The following GOLGA4 variants were observed in gnomAD, a reference collection of about 807,000 sequenced individuals.
GOLGA4 encodes the protein golgin subfamily A member 4.
GOLGA4 carries 169 observed loss-of-function variants against 265.9 expected under a neutral mutation model. That is an observed-to-expected ratio of 0.64 (90% CI 0.56 to 0.72). GOLGA4 has a LOEUF of 0.72. Ranked by LOEUF, GOLGA4 falls within the 30% of genes least tolerant of loss-of-function variation. GOLGA4 has a pLI of 0.00. For missense variants in GOLGA4, 2,482 were observed against 2,483.4 expected, an observed-to-expected ratio of 1.00 and a Z score of 0.01; for synonymous variants, 923 against 855.8, an observed-to-expected ratio of 1.08 and a Z score of -1.37.
At position 37,325,670 on chromosome 3, in the gene GOLGA4, G is replaced by T. The variant is rs1164922733; in HGVS notation, c.3784G>T (p.Glu1262Ter). ...HCQHRTTKVK[E>*]ALLIKTCTVS... Reference sequence around the variant, plus strand: ...TCAGCACCGTACAACTAAAGTTAAGGAGGCACTGTTAATTAAAACTTGCAC... The same window carrying T: ...TCAGCACCGTACAACTAAAGTTAAGTAGGCACTGTTAATTAAAACTTGCAC... Residue 1262 changes from glutamate to a stop codon, truncating the protein, a stop_gained, in exon 14 of 24, where the codon GAG (glutamate) becomes TAG (stop). Coordinates refer to ENST00000361924, the MANE Select transcript of GOLGA4 (RefSeq NM_002078.5). LOFTEE classifies it high-confidence loss of function. The T allele has an allele frequency of 6.2e-7, 1 of 1,613,880 alleles. No individual in the cohort carries two copies. Among genetic ancestry groups the T allele is most frequent in the South Asian group, 1.1e-5 (1 of 91,066 alleles).
At chr3:37,314,417 G>A (rs2096931371) in intron 10 of GOLGA4, among the ~76,000 whole-genome samples, 1 of 151,892 alleles carries the variant, frequency 6.6e-6, no homozygotes, top group African/African-American at 2.4e-5. Context: ...AAGGTGGGTG[G>A]ATCACTTGAG....
At chr3:37,328,591 T>A in intron 15 of GOLGA4, 54 bp downstream of exon 15, 1 of 1,499,042 alleles carries the variant, frequency 6.7e-7, no homozygotes, top group Non-Finnish European at 9.1e-7. Context: ...GGCTATAATT[T>A]AAGCTTATCA....
At chr3:37,352,855 T>G (rs754519860) in intron 21 of GOLGA4, among the ~76,000 whole-genome samples, 5 of 152,128 alleles carry the variant, frequency 3.3e-5, no homozygotes, top group African/African-American at 4.8e-5. Flanking sequence ...GTTTACAACT[T>G]GGCTAACTGG....
intron 23 of GOLGA4, among the ~76,000 whole-genome samples, chr3:37,362,892 C>T (rs1020150404): frequency 4.7e-5 from 7 of 150,454 alleles, no homozygotes; most frequent in Non-Finnish European, 1.0e-4. Flanking sequence ...ACACCATTCT[C>T]CTCCCTCAGC....
intron 20 of GOLGA4, among the ~76,000 whole-genome samples, chr3:37,341,046 A>T (rs1396259425): frequency 1.3e-5 from 2 of 152,158 alleles, no homozygotes; most frequent in East Asian, 3.9e-4. Flanking sequence ...ATGCGCCTGT[A>T]GTCCCAGCTA....
intron 22 of GOLGA4, among the ~76,000 whole-genome samples, chr3:37,355,469 G>C (rs2097088508): frequency 6.6e-6 from 1 of 152,098 alleles, no homozygotes; most frequent in Admixed American, 6.6e-5. Flanking sequence ...GCTGTTTATG[G>C]AAAGGATGGA....
At chr3:37,257,536 C>G (rs115102126) in intron 2 of GOLGA4, among the ~76,000 whole-genome samples, 5 of 151,864 alleles carry the variant, frequency 3.3e-5, no homozygotes, top group African/African-American at 9.7e-5. Context: ...GTACCTTGCA[C>G]GTAGTAGGTG....
At position 37,281,941 on chromosome 3, in the gene GOLGA4, T is replaced by C. The variant is rs762792802; in HGVS notation, c.163-17T>C. On this transcript the variant is annotated splice_polypyrimidine_tract_variant and intron_variant, in intron 2 of 23. Transcript: ENST00000361924. Reference sequence around the variant, plus strand: ...TATGTATTTTAATCCACACATTCTGTTGGGTTTTGGTTGCAGTCAGGTGAC... The same window carrying C: ...TATGTATTTTAATCCACACATTCTGCTGGGTTTTGGTTGCAGTCAGGTGAC... 2.1e-5 allele frequency: 33 copies of C among 1,586,938 alleles called. No individual in the cohort carries two copies. The East Asian group carries it at 6.7e-4, about 32-fold the overall frequency.
In GOLGA4 at chr3:37,243,635, C is replaced by A. The variant is rs748910315; in HGVS notation, c.72+13C>A. 6.2e-7 allele frequency: 1 copy of A among 1,605,626 alleles called. No homozygotes were observed. The highest frequency in any genetic ancestry group is 8.5e-7 in the Non-Finnish European group (1 of 1,172,798). On this transcript the variant is annotated intron_variant, in intron 1 of 23. Coordinates refer to ENST00000361924, the MANE Select transcript of GOLGA4 (RefSeq NM_002078.5). ...GGCTCCTGCTCAGGTACGATGGCCG[C>A]CGCTCTCCTCCCCTGGTTCCGAATA...
chr3:37,326,593 T>C lies in GOLGA4; in HGVS notation c.4707T>C (p.Phe1569=), dbSNP rs1233845659. The change falls in exon 14 of 24, where the codon TTT becomes TTC. Residue 1569 remains phenylalanine (F), a synonymous_variant. Transcript: ENST00000361924. The part of the protein sequence containing the change: ...HKELVQKLQH[F]QELGEEKDNR... The stretch of plus-strand genomic sequence containing the variant: ...AATTGGTTCAGAAACTTCAACATTT[T>C]CAAGAGTTAGGAGAAGAAAAGGACA... The C allele has an allele frequency of 6.2e-7, 1 of 1,613,284 alleles. No individual in the cohort carries two copies. Among genetic ancestry groups the C allele is most frequent in the Non-Finnish European group, 8.5e-7 (1 of 1,179,644 alleles).
chr3:37,329,043 A>G lies in GOLGA4; in HGVS notation c.6142A>G (p.Lys2048Glu). 1 of 1,611,660 alleles carries G rather than the reference A, an allele frequency of 6.2e-7. No homozygotes were observed. The highest frequency in any genetic ancestry group is 1.1e-5 in the South Asian group (1 of 90,644). The change falls in exon 16 of 24, where the codon AAA (lysine) becomes GAA (glutamate). Residue 2048 changes from lysine (K) to glutamate (E), a missense_variant. Lys to Glu is a moderately conservative substitution (Grantham distance 56). Coordinates refer to ENST00000361924, the MANE Select transcript of GOLGA4 (RefSeq NM_002078.5). ...TNQLLKKIAEKDDDLKRTAKR... is the reference protein window; with the variant it reads ...TNQLLKKIAEEDDDLKRTAKR... ...TCAGTTACTTAAAAAAATTGCTGAGAAAGATGATGATCTAAAACGAACAGC... is the reference window on the plus strand; with the variant it reads ...TCAGTTACTTAAAAAAATTGCTGAGGAAGATGATGATCTAAAACGAACAGC...
intron 2 of GOLGA4, among the ~76,000 whole-genome samples, chr3:37,266,571 C>T (rs186346273): frequency 2.0e-5 from 3 of 152,192 alleles, no homozygotes; most frequent in Non-Finnish European, 2.9e-5. Context: ...GTTCCTATTG[C>T]CTATATCATT....
chr3:37,247,093 G>A lies in GOLGA4; in HGVS notation c.72+3471G>A, dbSNP rs115001906. ...TTTAGATCAGAAGGTAGTTTATTAA[G>A]AACATGATGAAAGGCTTTAATAAGT... On this transcript the variant is annotated intron_variant, in intron 1 of 23. Coordinates refer to ENST00000361924, the MANE Select transcript of GOLGA4 (RefSeq NM_002078.5). Among the ~76,000 whole-genome samples the A allele has an allele frequency of 3.4e-3, 511 of 152,278 alleles. 2 individuals are homozygous for A. Among genetic ancestry groups the A allele is most frequent in the Non-Finnish European group, 5.9e-3 (400 of 68,022 alleles).
At chr3:37,294,351 G>T (rs957416533) in intron 5 of GOLGA4, among the ~76,000 whole-genome samples, 1 of 151,404 alleles carries the variant, frequency 6.6e-6, no homozygotes, top group African/African-American at 2.4e-5. Context: ...CAAGTAGTAA[G>T]AGTCTCAAAG....
At chr3:37,296,246 A>G (rs1380057498) in intron 7 of GOLGA4, 27 bp downstream of exon 7, 14 of 1,611,874 alleles carry the variant, frequency 8.7e-6, no homozygotes, top group South Asian at 1.1e-5. Context: ...CAAAAGGTTA[A>G]TTTAAAAACT....
intron 11 of GOLGA4, among the ~76,000 whole-genome samples, chr3:37,317,484 T>G (rs549563077): frequency 6.6e-6 from 1 of 152,198 alleles, no homozygotes; most frequent in Non-Finnish European, 1.5e-5. Context: ...AATATTCTTA[T>G]CCATACTTGT....
At chr3:37,356,585 AT>A (rs2097091562) in intron 22 of GOLGA4, among the ~76,000 whole-genome samples, 1 of 152,168 alleles carries the variant, frequency 6.6e-6, no homozygotes. Flanking sequence ...AATGTATACC[AT>A]TCATCAACAG....
chr3:37,344,544 T>C (rs1196307827), intron 20 of GOLGA4, among the ~76,000 whole-genome samples: 2 of 147,522 alleles, frequency 1.4e-5, no homozygotes, highest in African/African-American at 5.0e-5. Flanking sequence ...TGTTGCCCAG[T>C]CTAGTCTTGA....
intron 2 of GOLGA4, among the ~76,000 whole-genome samples, chr3:37,256,820 C>G (rs1034297315): frequency 6.6e-6 from 1 of 152,114 alleles, no homozygotes; most frequent in East Asian, 1.9e-4. Flanking sequence ...CTGCCCCACT[C>G]CAGATTGGAC....
Sources: gnomAD v4.1 joint callset for allele counts (sites outside exome capture counted in the v4.1 genomes callset) on GRCh38, gnomAD v4.1.1 for gene constraint, MANE v1.5 for transcripts, NCBI Gene and HGNC (gene_info 2026-07-23, HGNC 2026-07-21) for gene names.